The following ASAP1 variants were observed in gnomAD, a reference collection of about 807,000 sequenced individuals.
ASAP1 encodes the protein ArfGAP with SH3 domain, ankyrin repeat and PH domain 1, also known as arf-GAP with SH3 domain, ANK repeat and PH domain-containing protein 1.
In ASAP1, 43 loss-of-function variants were observed where a neutral mutation model predicts 145.2. The observed-to-expected ratio is 0.30, with a 90% CI of 0.23 to 0.38. ASAP1 has a LOEUF of 0.38. ASAP1 is among the 10% of genes least tolerant of loss of function. The pLI is 1.00. For synonymous variants in ASAP1, 546 were observed against 515.5 expected, an observed-to-expected ratio of 1.06 and a Z score of -0.80; for missense variants, 1,018 against 1,355.3, an observed-to-expected ratio of 0.75 and a Z score of 3.91.
At chr8:130,271,379 C>T (rs1018220685) in intron 3 of ASAP1, among the ~76,000 whole-genome samples, 1 of 152,168 alleles carries the variant, frequency 6.6e-6, no homozygotes, top group Non-Finnish European at 1.5e-5. Context: ...TGCTTGTAGG[C>T]CACACAGTTC....
chr8:130,357,092 C>T (rs1826360484), intron 3 of ASAP1, among the ~76,000 whole-genome samples: 1 of 152,146 alleles, frequency 6.6e-6, no homozygotes, highest in Non-Finnish European at 1.5e-5. Context: ...TTTATCGTGG[C>T]CCCAGAGGCT....
chr8:130,242,120 C>G (rs1209350545), intron 3 of ASAP1, among the ~76,000 whole-genome samples: 1 of 151,848 alleles, frequency 6.6e-6, no homozygotes, highest in Non-Finnish European at 1.5e-5. Context: ...GTGGCTAGCA[C>G]AAAGTCTTGA....
chr8:130,177,295 A>G (rs1814030222), intron 9 of ASAP1, among the ~76,000 whole-genome samples: 1 of 152,244 alleles, frequency 6.6e-6, no homozygotes, highest in Admixed American at 6.5e-5. Context: ...CTATTTTGAA[A>G]AACTCTTGTT....
chr8:130,294,610 CAGTGGACTTACACAAATCTA>C lies in ASAP1; in HGVS notation c.187-57636_187-57617del, dbSNP rs1224233605. Among the ~76,000 whole-genome samples, 6 of 152,226 alleles carry C rather than the reference CAGTGGACTTACACAAATCTA, an allele frequency of 3.9e-5. No individual in the cohort carries two copies. The East Asian group carries it at 1.2e-3, about 29-fold the overall frequency. On this transcript the variant is annotated intron_variant, in intron 3 of 29. Transcript: ENST00000518721. ...AAAGTATGTTTAAGTGTCCAACACA[CAGTGGACTTACACAAATCTA>C]AGTTCTCTTCTCCCTTACTGGGGTT...
rs1377759519 is a variant in ASAP1 at position 130,060,984 on chromosome 8, C to T, written c.2787G>A (p.Glu929=). 3 of 1,586,788 alleles carry T rather than the reference C, an allele frequency of 1.9e-6. No homozygotes were observed. Among genetic ancestry groups the T allele is most frequent in the East Asian group, 2.2e-5 (1 of 44,764 alleles). The change falls in exon 28 of 30, where the codon GAG becomes GAA. Residue 929 remains glutamate (E), a synonymous_variant. Transcript: ENST00000518721. Reference sequence around the variant, plus strand: ...CTCCAGGTGGTGGCTTTTGTGGCAACTCTGCCAACTGTGATGATTTCTGAA... The same window carrying T: ...CTCCAGGTGGTGGCTTTTGTGGCAATTCTGCCAACTGTGATGATTTCTGAA... ...EIFQKSSQLA[E]LPQKPPPGDL... is the part of the protein sequence containing the mutation.
chr8:130,193,626 CTT>C (rs1471800583), intron 5 of ASAP1, among the ~76,000 whole-genome samples: 2 of 152,070 alleles, frequency 1.3e-5, no homozygotes, highest in South Asian at 2.1e-4. Flanking sequence ...CTTTTCAACT[CTT>C]TGTTCCAAAT....
intron 3 of ASAP1, among the ~76,000 whole-genome samples, chr8:130,243,787 G>C (rs1271820385): frequency 6.6e-6 from 1 of 151,994 alleles, no homozygotes; most frequent in East Asian, 1.9e-4. Flanking sequence ...ACATTCTGAT[G>C]GTCCAACTCC....
intron 3 of ASAP1, among the ~76,000 whole-genome samples, chr8:130,238,946 C>T (rs975030800): frequency 1.3e-5 from 2 of 152,248 alleles, no homozygotes; most frequent in African/African-American, 2.4e-5. Context: ...TATCTTATCA[C>T]ATCCACTGCC....
chr8:130,330,096 C>T (rs755110325), intron 3 of ASAP1, among the ~76,000 whole-genome samples: 1 of 152,174 alleles, frequency 6.6e-6, no homozygotes, highest in African/African-American at 2.4e-5. Context: ...GAATCACTCC[C>T]ACACACGTCC....
At chr8:130,165,220 G>C (rs902061808) in intron 11 of ASAP1, among the ~76,000 whole-genome samples, 1 of 152,122 alleles carries the variant, frequency 6.6e-6, no homozygotes, top group Non-Finnish European at 1.5e-5. Flanking sequence ...AAAACAAAAA[G>C]GGGTTGTAAC....
intron 2 of ASAP1, among the ~76,000 whole-genome samples, chr8:130,374,110 A>T (rs114850076): frequency 8.7e-4 from 132 of 151,920 alleles, no homozygotes; most frequent in African/African-American, 2.8e-3. Context: ...CCTGCAATCA[A>T]ATCCTTGCCC....
intron 24 of ASAP1, among the ~76,000 whole-genome samples, 183 bp from the exon 25 acceptor site, chr8:130,092,326 T>TA (rs112840994): frequency 0.16 from 24,396 of 149,838 alleles, 2,559 homozygotes; most frequent in East Asian, 0.44. Context: ...AAAATTTGGT[T>TA]AAAAAAAAAA....
intron 23 of ASAP1, among the ~76,000 whole-genome samples, chr8:130,112,996 A>C (rs917230996): frequency 6.6e-5 from 10 of 152,190 alleles, no homozygotes; most frequent in African/African-American, 2.2e-4. Flanking sequence ...AGCCCCTCCT[A>C]GTACAGGTGC....
chr8:130,073,930 G>A (rs1385547055), intron 27 of ASAP1, among the ~76,000 whole-genome samples: 2 of 152,178 alleles, frequency 1.3e-5, no homozygotes, highest in Non-Finnish European at 2.9e-5. Context: ...AGGGGAACAC[G>A]TTAGATGAAC....
intron 3 of ASAP1, among the ~76,000 whole-genome samples, chr8:130,240,800 T>TGC (rs1818479156): frequency 1.3e-5 from 2 of 152,144 alleles, no homozygotes; most frequent in African/African-American, 4.8e-5. Flanking sequence ...CCAACCTTGA[T>TGC]ACGAAGACTT....
Position 130,118,550 on chromosome 8 carries a change from G to C in ASAP1, c.1733C>G (p.Ala578Gly). 2 of 1,614,104 alleles carry C rather than the reference G, an allele frequency of 1.2e-6. No homozygotes were observed. Among genetic ancestry groups the C allele is most frequent in the Non-Finnish European group, 1.7e-6 (2 of 1,179,994 alleles). ...LEAIKSRDLLALIQVYAEGVE... is the reference protein window; with the variant it reads ...LEAIKSRDLLGLIQVYAEGVE... ...CCCTTCTGCATAGACTTGAATTAGTGCAAGTAAATCCCTGGATTTGATGGC... is the reference window on the plus strand; with the variant it reads ...CCCTTCTGCATAGACTTGAATTAGTCCAAGTAAATCCCTGGATTTGATGGC... The change falls in exon 19 of 30, where the codon GCA (alanine) becomes GGA (glycine). Residue 578 changes from alanine (A) to glycine (G), a missense_variant. By Grantham distance (60) the Ala-to-Gly change is moderately conservative (BLOSUM62 0). Transcript: ENST00000518721.
chr8:130,212,012 T>C (rs1013856302), intron 5 of ASAP1, among the ~76,000 whole-genome samples: 3 of 152,188 alleles, frequency 2.0e-5, no homozygotes, highest in Non-Finnish European at 4.4e-5. Context: ...TCCAGAACCC[T>C]GACCCCCTCG....
chr8:130,376,259 T>G (rs761420152), intron 2 of ASAP1, among the ~76,000 whole-genome samples: 5 of 152,176 alleles, frequency 3.3e-5, no homozygotes, highest in Admixed American at 6.5e-5. Context: ...TGCCAGAGCA[T>G]CCTGCTGGGT....
intron 4 of ASAP1, among the ~76,000 whole-genome samples, chr8:130,232,610 G>A (rs1490914075): frequency 6.6e-6 from 1 of 151,224 alleles, no homozygotes; most frequent in Non-Finnish European, 1.5e-5. Flanking sequence ...GGCTTGCATG[G>A]AGACAATTTG....
Sources: gnomAD v4.1 joint callset for allele counts (sites outside exome capture counted in the v4.1 genomes callset) on GRCh38, gnomAD v4.1.1 for gene constraint, MANE v1.5 for transcripts, NCBI Gene and HGNC (gene_info 2026-07-23, HGNC 2026-07-21) for gene names.